Variants in KCNN2 observed in about 807,000 individuals in gnomAD.
KCNN2 encodes the protein small conductance calcium-activated potassium channel protein 2.
A neutral mutation model predicts 55.5 loss-of-function variants in KCNN2; 24 were observed. That is an observed-to-expected ratio of 0.43 (90% CI 0.31 to 0.61). The LOEUF (loss-of-function observed/expected upper bound fraction) is 0.61, where lower values mean the gene tolerates loss of function less well. Among genes scored for constraint, KCNN2 ranks in the 20% least tolerant of loss-of-function variants. The pLI is 0.08. For synonymous variants in KCNN2, 431 were observed against 336.1 expected (o/e 1.28, Z -3.09); for missense variants, 754 against 853.6 (o/e 0.88, Z 1.45).
At chr5:114,432,799 C>T (rs1001771028) in intron 3 of KCNN2, among the ~76,000 whole-genome samples, 6 of 152,324 alleles carry the variant, frequency 3.9e-5, no homozygotes, top group East Asian at 3.9e-4. Context: ...CCTGCCGGCC[C>T]GGGCAATGAG....
intron 1 of KCNN2, among the ~76,000 whole-genome samples, chr5:114,119,867 A>T (rs1175851324): frequency 2.0e-5 from 3 of 152,156 alleles, no homozygotes; most frequent in East Asian, 3.9e-4. Context: ...ACTGAGGCAG[A>T]CTTACTATGT....
intron 1 of KCNN2, among the ~76,000 whole-genome samples, chr5:114,180,219 T>C (rs1016446813): frequency 6.6e-6 from 1 of 152,174 alleles, no homozygotes; most frequent in Admixed American, 6.5e-5. Context: ...CATTTTTTTT[T>C]CTTTGAATCT....
At chr5:114,232,952 G>A (rs1754393710) in intron 2 of KCNN2, among the ~76,000 whole-genome samples, 2 of 27,608 alleles carry the variant, frequency 7.2e-5, no homozygotes, top group Non-Finnish European at 9.0e-5. Flanking sequence ...ACGGAGTCTC[G>A]CTCTGTCGCC....
intron 1 of KCNN2, among the ~76,000 whole-genome samples, chr5:114,165,519 T>C (rs1007592269): frequency 6.6e-5 from 10 of 152,160 alleles, no homozygotes; most frequent in Non-Finnish European, 1.5e-4. Context: ...TCCAAGTGAC[T>C]AAAAGTTCTT....
At chr5:114,095,749 G>C (rs1441076955) in intron 1 of KCNN2, among the ~76,000 whole-genome samples, 1 of 152,078 alleles carries the variant, frequency 6.6e-6, no homozygotes, top group East Asian at 1.9e-4. Flanking sequence ...CCTAGGATGG[G>C]ACTCCTCTCC....
chr5:114,209,693 C>T (rs1333310593), intron 1 of KCNN2, among the ~76,000 whole-genome samples: 4 of 152,100 alleles, frequency 2.6e-5, no homozygotes, highest in Non-Finnish European at 5.9e-5. Context: ...AATATAGAAA[C>T]TTTATATCCA....
chr5:114,280,382 A>G (rs1561552925), intron 2 of KCNN2, among the ~76,000 whole-genome samples: 1 of 152,178 alleles, frequency 6.6e-6, no homozygotes, highest in Non-Finnish European at 1.5e-5. Flanking sequence ...GCCCATGCCT[A>G]TGGCCTGAAT....
chr5:114,373,500 C>A (rs1757826983), intron 2 of KCNN2, among the ~76,000 whole-genome samples: 1 of 150,288 alleles, frequency 6.7e-6, no homozygotes. Flanking sequence ...AGTCTTGTGG[C>A]TTTGTGCATT....
chr5:114,318,835 A>G (rs1286734565), intron 2 of KCNN2, among the ~76,000 whole-genome samples: 3 of 152,202 alleles, frequency 2.0e-5, no homozygotes, highest in South Asian at 4.1e-4. Flanking sequence ...CTTGTTTCCT[A>G]TATAAGCATG....
At chr5:114,058,160 G>A (rs1351593905) in intron 1 of KCNN2, among the ~76,000 whole-genome samples, 2 of 152,180 alleles carry the variant, frequency 1.3e-5, no homozygotes, top group African/African-American at 2.4e-5. Context: ...CCAAGGCCTG[G>A]CACCTTGAGC....
intron 4 of KCNN2, 36 bp downstream of exon 4, chr5:114,463,226 C>A: frequency 6.3e-7 from 1 of 1,576,750 alleles, no homozygotes; most frequent in Non-Finnish European, 8.6e-7. Flanking sequence ...CTTTTATTTA[C>A]GCTCAAGAAG....
At chr5:114,424,102 A>G (rs1759549025) in intron 3 of KCNN2, among the ~76,000 whole-genome samples, 1 of 152,254 alleles carries the variant, frequency 6.6e-6, no homozygotes, top group Non-Finnish European at 1.5e-5. Context: ...TGCCAAAGGC[A>G]TTATTATTTA....
At chr5:114,408,037 C>G (rs567439225) in intron 3 of KCNN2, among the ~76,000 whole-genome samples, 1 of 152,240 alleles carries the variant, frequency 6.6e-6, no homozygotes, top group East Asian at 1.9e-4. Flanking sequence ...CTATGGTTAT[C>G]CCCACATGCA....
At chr5:114,189,300 A>G (rs1380260553) in intron 1 of KCNN2, among the ~76,000 whole-genome samples, 1 of 152,132 alleles carries the variant, frequency 6.6e-6, no homozygotes, top group Non-Finnish European at 1.5e-5. Context: ...AGGCCTGAGA[A>G]CAAGGAGAGC....
At chr5:114,152,300 G>T (rs2063811158) in intron 1 of KCNN2, among the ~76,000 whole-genome samples, 2 of 152,000 alleles carry the variant, frequency 1.3e-5, no homozygotes, top group African/African-American at 4.8e-5. Flanking sequence ...CTTCATTTTA[G>T]CACAATAAAC....
At chr5:114,271,151 G>C (rs760192417) in intron 2 of KCNN2, among the ~76,000 whole-genome samples, 2 of 152,088 alleles carry the variant, frequency 1.3e-5, no homozygotes, top group Non-Finnish European at 2.9e-5. Flanking sequence ...GTTTTACAGA[G>C]TGCTGATTGG....
At chr5:114,260,422 T>A (rs1006999054) in intron 2 of KCNN2, among the ~76,000 whole-genome samples, 1 of 152,220 alleles carries the variant, frequency 6.6e-6, no homozygotes, top group Non-Finnish European at 1.5e-5. Flanking sequence ...CTAGACTTTT[T>A]CATATTTTTA....
intron 2 of KCNN2, among the ~76,000 whole-genome samples, chr5:114,343,949 G>A (rs181313066): frequency 1.3e-5 from 2 of 152,210 alleles, no homozygotes; most frequent in East Asian, 3.9e-4. Context: ...AGACATCTGA[G>A]AACAGAGCAC....
chr5:114,302,172 CT>C (rs1161053374), intron 2 of KCNN2, among the ~76,000 whole-genome samples: 1 of 152,180 alleles, frequency 6.6e-6, no homozygotes, highest in Non-Finnish European at 1.5e-5. Flanking sequence ...CCTTATCCTT[CT>C]TTTTGTACTG....
Sources: gnomAD v4.1 joint callset for allele counts (sites outside exome capture counted in the v4.1 genomes callset) on GRCh38, gnomAD v4.1.1 for gene constraint, MANE v1.5 for transcripts, NCBI Gene and HGNC (gene_info 2026-07-23, HGNC 2026-07-21) for gene names.